ARHGAP15: variants seen among roughly 807,000 people sequenced by gnomAD.
The protein encoded by ARHGAP15 is Rho GTPase activating protein 15.
Under a neutral mutation model 63.7 loss-of-function variants are expected in ARHGAP15, and 51 were observed. The ratio of observed to expected loss-of-function variants is 0.80; its 90% confidence interval spans 0.64 to 1.01. The LOEUF (loss-of-function observed/expected upper bound fraction) is 1.01, where lower values mean the gene tolerates loss of function less well. Among genes scored for constraint, ARHGAP15 ranks in the 50% least tolerant of loss-of-function variants. The pLI is 0.00. For synonymous variants in ARHGAP15, 191 were observed against 193.8 expected (o/e 0.99, Z 0.12); for missense variants, 560 against 564.6 (o/e 0.99, Z 0.08).
chr2:143,620,546 A>T (rs936391000), intron 11 of ARHGAP15, among the ~76,000 whole-genome samples: 3 of 152,178 alleles, frequency 2.0e-5, no homozygotes, highest in Admixed American at 1.3e-4. Flanking sequence ...ATTTGCAATT[A>T]CTGTTTATTT....
intron 12 of ARHGAP15, among the ~76,000 whole-genome samples, chr2:143,643,308 G>A (rs1165128148): frequency 6.6e-6 from 1 of 152,044 alleles, no homozygotes; most frequent in Non-Finnish European, 1.5e-5. Context: ...ACCCATGCAT[G>A]GATATGCCTC....
chr2:143,479,915 C>A (rs1691997469), intron 8 of ARHGAP15, among the ~76,000 whole-genome samples: 2 of 151,538 alleles, frequency 1.3e-5, no homozygotes, highest in African/African-American at 2.4e-5. Flanking sequence ...TAAAAGGAAA[C>A]CAGATAAATC....
intron 13 of ARHGAP15, among the ~76,000 whole-genome samples, chr2:143,753,513 A>T (rs1686460967): frequency 6.6e-6 from 1 of 152,218 alleles, no homozygotes; most frequent in South Asian, 2.1e-4. Context: ...TTAGCCCAGC[A>T]TCCGTATTTA....
At chr2:143,332,919 C>T (rs1684611190) in intron 6 of ARHGAP15, among the ~76,000 whole-genome samples, 1 of 151,212 alleles carries the variant, frequency 6.6e-6, no homozygotes, top group Non-Finnish European at 1.5e-5. Flanking sequence ...TGGAATATTT[C>T]CAGTTATCTT....
At chr2:143,150,763 G>A (rs1010066127) in intron 1 of ARHGAP15, among the ~76,000 whole-genome samples, 3 of 151,870 alleles carry the variant, frequency 2.0e-5, no homozygotes, top group Non-Finnish European at 4.4e-5. Context: ...AAAACACAAG[G>A]CATCAAAGTT....
chr2:143,216,040 T>A (rs1692745183), intron 3 of ARHGAP15, among the ~76,000 whole-genome samples: 1 of 152,230 alleles, frequency 6.6e-6, no homozygotes, highest in African/African-American at 2.4e-5. Context: ...TTTCTAAGGA[T>A]ACTTGGTAAA....
chr2:143,201,785 T>C (rs1692129768), intron 2 of ARHGAP15, among the ~76,000 whole-genome samples: 1 of 152,286 alleles, frequency 6.6e-6, no homozygotes, highest in Middle Eastern at 3.4e-3. Context: ...GACATTTTTG[T>C]GTTCCAATCT....
chr2:143,331,081 G>T (rs541779004), intron 6 of ARHGAP15, among the ~76,000 whole-genome samples: 88 of 152,260 alleles, frequency 5.8e-4, no homozygotes, highest in Non-Finnish European at 1.0e-3. Context: ...GCAAGAGGTG[G>T]CTAGGAAGAT....
chr2:143,426,447 G>A (rs1216863507), intron 6 of ARHGAP15, among the ~76,000 whole-genome samples: 1 of 152,146 alleles, frequency 6.6e-6, no homozygotes, highest in Admixed American at 6.6e-5. Context: ...AGAGTCATGG[G>A]CTTCTGTAAG....
At chr2:143,637,104 GC>G (rs5834960) in intron 12 of ARHGAP15, among the ~76,000 whole-genome samples, 63,070 of 151,270 alleles carry the variant, frequency 0.42, 13,892 homozygotes, top group Non-Finnish European at 0.51. Flanking sequence ...AAACTTTGTT[GC>G]CCCCCCCAAA....
At chr2:143,474,529 T>C (rs1574499104) in intron 8 of ARHGAP15, among the ~76,000 whole-genome samples, 1 of 152,222 alleles carries the variant, frequency 6.6e-6, no homozygotes, top group African/African-American at 2.4e-5. Context: ...AACTGTCTCT[T>C]CTGGAACATT....
At chr2:143,707,489 T>C (rs903888531) in intron 13 of ARHGAP15, among the ~76,000 whole-genome samples, 1 of 152,240 alleles carries the variant, frequency 6.6e-6, no homozygotes, top group Non-Finnish European at 1.5e-5. Flanking sequence ...TGAAATAGGA[T>C]GAATCCGATT....
At chr2:143,473,609 T>C (rs1284852752) in intron 8 of ARHGAP15, among the ~76,000 whole-genome samples, 1 of 152,254 alleles carries the variant, frequency 6.6e-6, no homozygotes, top group African/African-American at 2.4e-5. Flanking sequence ...GAATAAATGC[T>C]GATGACTACA....
At chr2:143,467,161 A>C (rs1403580806) in intron 8 of ARHGAP15, among the ~76,000 whole-genome samples, 3 of 151,624 alleles carry the variant, frequency 2.0e-5, no homozygotes, top group Admixed American at 2.0e-4. Flanking sequence ...AAGATTTCTA[A>C]TATATAGACT....
chr2:143,623,977 A>C (rs1698741136), intron 11 of ARHGAP15, among the ~76,000 whole-genome samples, 156 bp from the exon 12 acceptor site: 1 of 152,210 alleles, frequency 6.6e-6, no homozygotes. Flanking sequence ...TTCCTACGGA[A>C]AGAGGGAGGA....
At chr2:143,322,334 C>T (rs1323244062) in intron 6 of ARHGAP15, among the ~76,000 whole-genome samples, 1 of 152,132 alleles carries the variant, frequency 6.6e-6, no homozygotes, top group South Asian at 2.1e-4. Context: ...TAAGCTAATA[C>T]ATTTACTATT....
intron 4 of ARHGAP15, among the ~76,000 whole-genome samples, chr2:143,225,165 C>CAAAT (rs1215563046): frequency 2.0e-5 from 3 of 152,162 alleles, no homozygotes; most frequent in African/African-American, 7.2e-5. Flanking sequence ...CGGAATGGTG[C>CAAAT]ATTTTTATTC....
chr2:143,157,160 T>C (rs1690114307), intron 2 of ARHGAP15, among the ~76,000 whole-genome samples: 1 of 151,916 alleles, frequency 6.6e-6, no homozygotes, highest in African/African-American at 2.4e-5. Flanking sequence ...CCTGCAGAAC[T>C]CAGCTACCAA....
intron 12 of ARHGAP15, among the ~76,000 whole-genome samples, chr2:143,661,003 C>G (rs1419839502): frequency 2.0e-5 from 3 of 152,154 alleles, no homozygotes; most frequent in African/African-American, 7.2e-5. Flanking sequence ...AGGGAGAACC[C>G]ATGTTCTTGC....
Sources: allele counts gnomAD v4.1 joint callset (sites outside exome capture counted in the v4.1 genomes callset), GRCh38; gene constraint gnomAD v4.1.1; transcripts MANE v1.5; gene names NCBI Gene and HGNC (gene_info 2026-07-23, HGNC 2026-07-21).